The following OR1L8 variants were observed in gnomAD, a reference collection of about 807,000 sequenced individuals.
OR1L8 encodes olfactory receptor 1L8.
For missense variants in OR1L8, 330 were observed against 377.4 expected (o/e 0.87, Z 1.04); for synonymous variants, 148 against 147.0 (o/e 1.01, Z -0.05).
chr9:122,560,559 A>G, the OR1L8 span, among the ~76,000 whole-genome samples: 1,245 of 152,264 alleles, frequency 8.2e-3, 16 homozygotes, highest in African/African-American at 0.029. Context: ...TTGTCTGGAA[A>G]GGATTTTATT....
At chr9:122,552,037 A>AC in the OR1L8 span, among the ~76,000 whole-genome samples, 9 of 16,932 alleles carry the variant, frequency 5.3e-4, no homozygotes, top group African/African-American at 4.0e-3. Flanking sequence ...TAGGACACAT[A>AC]CACACACACA....
At position 122,567,626 on chromosome 9, in the gene OR1L8, C is replaced by T; in HGVS notation, c.852G>A (p.Met284Ile). ...TCAGGCTGTAGATAAAAGGATTGAG[C>T]ATGGATGACAAAACTGTGTAAACAA... ...ATIVYTVLSSMLNPFIYSLRN... is the reference protein window; with the variant it reads ...ATIVYTVLSSILNPFIYSLRN... The change falls in exon 5 of 5, where the codon ATG (methionine) becomes ATA (isoleucine). Residue 284 changes from methionine to isoleucine, a missense_variant. Physicochemically the swap from Met to Ile is conservative, Grantham distance 10 (BLOSUM62 1). Transcript: ENST00000641027. 6.2e-7 allele frequency: 1 copy of T among 1,613,850 alleles called. No homozygotes were observed. The highest frequency in any genetic ancestry group is 8.5e-7 in the Non-Finnish European group (1 of 1,179,900).
At chr9:122,553,210 G>A in the OR1L8 span, 14 of 1,613,438 alleles carry the variant, frequency 8.7e-6, no homozygotes, top group Admixed American at 2.0e-4. Context: ...GAACTACAAG[G>A]GATGGGAAAA....
downstream of OR1L8, among the ~76,000 whole-genome samples, chr9:122,562,209 T>C (rs1248918005): frequency 2.0e-5 from 3 of 152,222 alleles, no homozygotes; most frequent in African/African-American, 7.2e-5. Context: ...GACCTGGAGC[T>C]ATAGAGATGG....
chr9:122,568,318 G>A lies in OR1L8; in HGVS notation c.160C>T (p.Pro54Ser). The A allele has an allele frequency of 6.2e-7, 1 of 1,614,130 alleles. No individual in the cohort carries two copies. Among genetic ancestry groups the A allele is most frequent in the South Asian group, 1.1e-5 (1 of 91,074 alleles). ...LLIILAIRFNPHLQTPMYFFL... is the reference protein window; with the variant it reads ...LLIILAIRFNSHLQTPMYFFL... ...AAATACATAGGGGTCTGAAGATGGG[G>A]GTTGAAGCGAATGGCCAGGATGATG... Residue 54 changes from proline (P) to serine (S), a missense_variant, in exon 5 of 5, where the codon CCC (proline) becomes TCC (serine). Coordinates refer to ENST00000641027, the MANE Select transcript of OR1L8 (RefSeq NM_001004454.2).
intron 3 of OR1L8, among the ~76,000 whole-genome samples, chr9:122,575,733 A>T (rs1226870706): frequency 2.6e-5 from 4 of 152,192 alleles, no homozygotes; most frequent in Non-Finnish European, 5.9e-5. Flanking sequence ...CATATCTATA[A>T]TCTCACAGTT....
chr9:122,548,589 T>TTATATATATATATATATATATATA, the OR1L8 span, among the ~76,000 whole-genome samples: 669 of 151,094 alleles, frequency 4.4e-3, 3 homozygotes, highest in Non-Finnish European at 7.8e-3. Flanking sequence ...TTTAAAATTT[T>TTATATATATATATATATATATATA]TATATATATA....
At chr9:122,555,126 G>A in the OR1L8 span, among the ~76,000 whole-genome samples, 3 of 152,124 alleles carry the variant, frequency 2.0e-5, no homozygotes, top group African/African-American at 7.2e-5. Context: ...AAATTTGAGG[G>A]TTGGCACAAA....
intron 3 of OR1L8, among the ~76,000 whole-genome samples, chr9:122,573,309 A>C (rs1049168973): frequency 1.3e-5 from 2 of 152,266 alleles, no homozygotes; most frequent in Non-Finnish European, 2.9e-5. Context: ...GGCTAAACTC[A>C]GAGCTTCTTA....
the OR1L8 span, among the ~76,000 whole-genome samples, chr9:122,561,157 G>A: frequency 6.6e-6 from 1 of 152,106 alleles, no homozygotes; most frequent in Non-Finnish European, 1.5e-5. Flanking sequence ...AAGTTCTTGT[G>A]CTGTGTTTTT....
At chr9:122,547,620 AGTGTGTGTGTGT>A in the OR1L8 span, among the ~76,000 whole-genome samples, 139 of 142,986 alleles carry the variant, frequency 9.7e-4, no homozygotes, top group East Asian at 4.6e-3. Context: ...GTAGTAGTTC[AGTGTGTGTGTGT>A]GTGTGTGTGT....
intron 4 of OR1L8, among the ~76,000 whole-genome samples, chr9:122,569,814 A>T (rs1182172142): frequency 5.3e-5 from 8 of 151,948 alleles, no homozygotes; most frequent in Non-Finnish European, 1.2e-4. Context: ...TATCTCCTAA[A>T]GCTATCCCTC....
chr9:122,564,111 G>A (rs185380164), downstream of OR1L8, among the ~76,000 whole-genome samples: 3 of 152,240 alleles, frequency 2.0e-5, no homozygotes, highest in Non-Finnish European at 1.5e-5. Context: ...GGGGACTACT[G>A]GACACTGGCT....
chr9:122,549,058 A>G, the OR1L8 span, among the ~76,000 whole-genome samples: 1 of 152,144 alleles, frequency 6.6e-6, no homozygotes. Context: ...CAATGTTGAT[A>G]TGATTTGGAT....
chr9:122,567,045 A>C (rs1251152363), downstream of OR1L8: 1 of 152,224 alleles, frequency 6.6e-6, no homozygotes, highest in African/African-American at 2.4e-5. Context: ...AAGCAATAAA[A>C]CATTTTTAGA....
Position 122,581,776 on chromosome 9 carries a change from G to A in OR1L8, c.-600+1545C>T, listed in dbSNP as rs189338838. Among the ~76,000 whole-genome samples the A allele has an allele frequency of 6.1e-3, 933 of 152,122 alleles. 5 individuals carry two copies. The highest frequency in any genetic ancestry group is 0.011 in the Non-Finnish European group (737 of 67,990). ...AGCCTGGCCAACATGGTGAAACCCT[G>A]TCTCTACTAAAACTAGAAAAATCAG... On this transcript the variant is annotated intron_variant, in intron 1 of 4. Coordinates refer to ENST00000641027, the MANE Select transcript of OR1L8 (RefSeq NM_001004454.2).
At chr9:122,550,094 C>A in the OR1L8 span, among the ~76,000 whole-genome samples, 2 of 151,928 alleles carry the variant, frequency 1.3e-5, no homozygotes, top group African/African-American at 2.4e-5. Context: ...TACATATAAT[C>A]CTAGGTATCA....
chr9:122,563,624 C>T (rs367738576), downstream of OR1L8, among the ~76,000 whole-genome samples: 3 of 152,298 alleles, frequency 2.0e-5, no homozygotes, highest in African/African-American at 7.2e-5. Flanking sequence ...TTATGTAAAT[C>T]CATTTGTCTA....
chr9:122,566,440 T>C (rs10760241), downstream of OR1L8, among the ~76,000 whole-genome samples: 88,360 of 151,986 alleles, frequency 0.58, 26,211 homozygotes, highest in East Asian at 0.98. Flanking sequence ...CATTCATATT[T>C]ATATAATGTT....
Sources: gnomAD v4.1 joint callset for allele counts (sites outside exome capture counted in the v4.1 genomes callset) on GRCh38, gnomAD v4.1.1 for gene constraint, MANE v1.5 for transcripts, NCBI Gene and HGNC (gene_info 2026-07-23, HGNC 2026-07-21) for gene names.